Variants in EEPD1 observed in about 807,000 individuals in gnomAD.
The protein encoded by EEPD1 is endonuclease/exonuclease/phosphatase family domain-containing protein 1.
Under a neutral mutation model 46.3 loss-of-function variants are expected in EEPD1, and 17 were observed. The ratio of observed to expected loss-of-function variants is 0.37; its 90% CI spans 0.25 to 0.55. The LOEUF (loss-of-function observed/expected upper bound fraction) is 0.55, where lower values mean the gene tolerates loss of function less well. EEPD1 is among the 20% of genes least tolerant of loss of function. The pLI, the probability that EEPD1 is intolerant of heterozygous loss-of-function variation, is 0.83. For missense variants in EEPD1, 673 were observed against 745.6 expected, an observed-to-expected ratio of 0.90 and a Z score of 1.13; for synonymous variants, 313 against 315.6, an observed-to-expected ratio of 0.99 and a Z score of 0.09.
intron 2 of EEPD1, among the ~76,000 whole-genome samples, chr7:36,205,671 G>A (rs1324123680): frequency 1.3e-5 from 2 of 152,208 alleles, no homozygotes; most frequent in East Asian, 1.9e-4. Context: ...TTTTCCCCAC[G>A]TGAAATGGCA....
intron 3 of EEPD1, among the ~76,000 whole-genome samples, chr7:36,265,136 G>A (rs935056325): frequency 1.3e-5 from 2 of 152,204 alleles, no homozygotes; most frequent in Non-Finnish European, 2.9e-5. Flanking sequence ...GGCTGGCATC[G>A]CATAAGAAAA....
At chr7:36,219,775 AAGAGAGAGAGAGAG>A (rs752270283) in intron 2 of EEPD1, among the ~76,000 whole-genome samples, 2 of 119,010 alleles carry the variant, frequency 1.7e-5, no homozygotes, top group South Asian at 3.1e-4. Flanking sequence ...GAGAGAGAGA[AAGAGAGAGAGAGAG>A]AGAGAGAGAG....
chr7:36,279,118 C>G (rs1350445618), intron 3 of EEPD1, among the ~76,000 whole-genome samples: 1 of 149,498 alleles, frequency 6.7e-6, no homozygotes, highest in Admixed American at 6.6e-5. Context: ...ACCCCCTTCC[C>G]TGCCCCTGCT....
intron 6 of EEPD1, among the ~76,000 whole-genome samples, chr7:36,293,329 C>T (rs557235499): frequency 9.8e-4 from 149 of 152,182 alleles, no homozygotes; most frequent in African/African-American, 3.3e-3. Flanking sequence ...TCCATGTTTC[C>T]GTGTAGTTGA....
intron 2 of EEPD1, among the ~76,000 whole-genome samples, chr7:36,206,811 GGCTGAGGCAGTCGAATCA>G: frequency 6.6e-6 from 1 of 152,326 alleles, no homozygotes; most frequent in Non-Finnish European, 1.5e-5. Context: ...CACTTTGGGA[GGCTGAGGCAGTCGAATCA>G]GCTGAGGCCA....
At chr7:36,204,217 G>T (rs923701868) in intron 2 of EEPD1, among the ~76,000 whole-genome samples, 1 of 151,450 alleles carries the variant, frequency 6.6e-6, no homozygotes, top group Non-Finnish European at 1.5e-5. Flanking sequence ...AAAAAATTTT[G>T]TGGAGAGAGG....
chr7:36,179,526 G>C (rs1462222601), intron 2 of EEPD1, among the ~76,000 whole-genome samples: 1 of 151,718 alleles, frequency 6.6e-6, no homozygotes, highest in East Asian at 1.9e-4. Flanking sequence ...TTCGAGACCA[G>C]CCTGGCCAAG....
rs765965767 is a variant in EEPD1, at chr7:36,238,856, C to T, written c.879-129C>T. ...CATTTTGATTTAAATAAAAGGTCAC[C>T]TTAAGATGGCAGGTGACATAGAAAT... is the stretch of plus-strand genomic sequence containing the variant. On this transcript the variant is annotated intron_variant, in intron 2 of 7. Transcript: ENST00000242108. 952 of 804,992 alleles carry T rather than the reference C, an allele frequency of 1.2e-3. 3 individuals are homozygous for T. The highest frequency in any genetic ancestry group is 1.7e-3 in the Non-Finnish European group (886 of 531,628). The allele number at this position is 804,992 out of a possible 1,614,324, so 49.9% of individuals were successfully genotyped here. A position where few individuals can be genotyped will look rare whatever the true frequency, so the allele number is the denominator to read the frequency against.
At chr7:36,167,165 T>C (rs1048322920) in intron 2 of EEPD1, among the ~76,000 whole-genome samples, 3 of 152,196 alleles carry the variant, frequency 2.0e-5, no homozygotes, top group Non-Finnish European at 2.9e-5. Context: ...TAATCAACTC[T>C]TTAAAGGCCC....
chr7:36,177,039 T>G (rs534649095), intron 2 of EEPD1, among the ~76,000 whole-genome samples: 132 of 152,366 alleles, frequency 8.7e-4, no homozygotes, highest in African/African-American at 2.8e-3. Context: ...AGGGATTGAC[T>G]GCACTCTGGC....
chr7:36,153,792 G>A (rs947524117), intron 1 of EEPD1, 118 bp downstream of exon 1: 3 of 155,080 alleles, frequency 1.9e-5, no homozygotes, highest in Non-Finnish European at 4.3e-5. Flanking sequence ...GATGCGGAGC[G>A]TGGGGGAGGT....
At chr7:36,158,664 A>G (rs6963291) in intron 2 of EEPD1, among the ~76,000 whole-genome samples, 6,354 of 152,288 alleles carry the variant, frequency 0.042, 454 homozygotes, top group African/African-American at 0.15. Context: ...TATTTTGCCA[A>G]ATCTCAGTCT....
chr7:36,195,297 GT>G (rs1453982596), intron 2 of EEPD1, among the ~76,000 whole-genome samples: 2 of 152,228 alleles, frequency 1.3e-5, no homozygotes, highest in Non-Finnish European at 2.9e-5. Flanking sequence ...CCCTGACCCA[GT>G]GTGCTGGGGG....
rs1325307720 is a variant in EEPD1, at chr7:36,193,143, G to A, written c.878+37941G>A. ...GCACAGAGCAGTGCGTCATGATGGGGGCACAGGATTCCGTGGACATTGGCA... is the reference window on the plus strand; with the variant it reads ...GCACAGAGCAGTGCGTCATGATGGGAGCACAGGATTCCGTGGACATTGGCA... On this transcript the variant is annotated intron_variant, in intron 2 of 7. Coordinates refer to ENST00000242108, the MANE Select transcript of EEPD1 (RefSeq NM_030636.3). The surrounding 1 kb of genome is among the most constrained non-coding windows in gnomAD (Gnocchi z 4.9). 2.0e-5 allele frequency among the ~76,000 whole-genome samples: 3 copies of A among 152,230 alleles called. No homozygotes were observed. The highest frequency in any genetic ancestry group is 2.0e-4 in the Admixed American group (3 of 15,294).
chr7:36,178,355 A>G (rs1166107313), intron 2 of EEPD1, among the ~76,000 whole-genome samples: 1 of 152,184 alleles, frequency 6.6e-6, no homozygotes. Flanking sequence ...ATGAGAGCTG[A>G]ATCTTTCTGA....
chr7:36,222,057 C>T (rs1292383682), intron 2 of EEPD1, among the ~76,000 whole-genome samples: 1 of 151,908 alleles, frequency 6.6e-6, no homozygotes, highest in Non-Finnish European at 1.5e-5. Context: ...ATCGTTAACC[C>T]TTGAACAACA....
chr7:36,252,645 G>T (rs535659986), intron 3 of EEPD1, among the ~76,000 whole-genome samples: 22 of 152,012 alleles, frequency 1.4e-4, no homozygotes, highest in African/African-American at 5.3e-4. Flanking sequence ...GTATTCGAAG[G>T]TACCAAAGTG....
At chr7:36,262,112 C>T (rs752430230) in intron 3 of EEPD1, among the ~76,000 whole-genome samples, 24 of 152,208 alleles carry the variant, frequency 1.6e-4, no homozygotes, top group Non-Finnish European at 2.9e-4. Context: ...TCTGCTGCTG[C>T]TCTATTCTTT....
chr7:36,220,648 G>T (rs567246366), intron 2 of EEPD1, among the ~76,000 whole-genome samples: 4 of 152,214 alleles, frequency 2.6e-5, no homozygotes. Context: ...TAATGGCATC[G>T]ACTCCATCTC....
Sources: allele counts gnomAD v4.1 joint callset (sites outside exome capture counted in the v4.1 genomes callset), GRCh38; gene constraint gnomAD v4.1.1; non-coding constraint Gnocchi (gnomAD v3.1); transcripts MANE v1.5; gene names NCBI Gene and HGNC (gene_info 2026-07-23, HGNC 2026-07-21).